Variants in NCAM1 observed in about 807,000 individuals in gnomAD.
NCAM1 encodes the protein antigen recognized by monoclonal antibody 5.1H11.
In NCAM1, 14 loss-of-function variants were observed where a neutral mutation model predicts 109.8. That is an observed-to-expected ratio of 0.13 (90% CI 0.08 to 0.20). The LOEUF (loss-of-function observed/expected upper bound fraction) is 0.20. Ranked by LOEUF, NCAM1 falls within the 10% of genes least tolerant of loss-of-function variation. The probability of loss-of-function intolerance (pLI) is 1.00; values close to 1 mark genes in which losing one functional copy is unlikely to be tolerated. For missense variants in NCAM1, 774 were observed against 1,109.9 expected, an observed-to-expected ratio of 0.70 and a Z score of 4.30; for synonymous variants, 418 against 442.9, an observed-to-expected ratio of 0.94 and a Z score of 0.70.
chr11:113,106,678 G>T (rs189508308), intron 1 of NCAM1, among the ~76,000 whole-genome samples: 1 of 152,318 alleles, frequency 6.6e-6, no homozygotes, highest in East Asian at 1.9e-4. Flanking sequence ...TCTTGGAATG[G>T]GAAGAATGCT....
rs1306450066 is a variant in NCAM1 at position 113,273,633 on chromosome 11, G to A, written c.2457-1634G>A. 1 of 455,136 alleles carries A rather than the reference G, an allele frequency of 2.2e-6. No individual in the cohort carries two copies. The highest frequency in any genetic ancestry group is 4.4e-6 in the Non-Finnish European group (1 of 226,030). The allele number at this position is 455,136 out of a possible 1,614,324, so 28.2% of individuals were successfully genotyped here. A position where few individuals can be genotyped will look rare whatever the true frequency, so the allele number is the denominator to read the frequency against. ...GACCCCAGATATTGACCTTGCAAAGGATGTTTTTGCAGCCCTGGGCTCTCC... is the reference window on the plus strand; with the variant it reads ...GACCCCAGATATTGACCTTGCAAAGAATGTTTTTGCAGCCCTGGGCTCTCC... On this transcript the variant is annotated intron_variant, in intron 19 of 19. Transcript: ENST00000316851. This position sits in a 1 kb window ranked among gnomAD's most constrained non-coding sequence, Gnocchi z 6.0.
intron 1 of NCAM1, among the ~76,000 whole-genome samples, chr11:113,071,859 T>C (rs189805979): frequency 3.3e-5 from 5 of 152,200 alleles, no homozygotes; most frequent in Admixed American, 1.3e-4. Flanking sequence ...ACCTGAAGTT[T>C]GCCAGTTAGA....
rs183539285 is a variant in NCAM1 at position 112,987,624 on chromosome 11, C to A, written c.52+25960C>A. ...TTATATTCTCTGAATTAATTGACTTCTTTATTATTATGTAATGGCCTTTTT... is the reference window on the plus strand; with the variant it reads ...TTATATTCTCTGAATTAATTGACTTATTTATTATTATGTAATGGCCTTTTT... On this transcript the variant is annotated intron_variant, in intron 1 of 19. Coordinates refer to ENST00000316851, the MANE Select transcript of NCAM1 (RefSeq NM_181351.5). 2.0e-4 allele frequency among the ~76,000 whole-genome samples: 31 copies of A among 152,050 alleles called. No homozygotes were observed. In the East Asian group the frequency reaches 5.6e-3, roughly 27 times the overall value.
At chr11:113,034,379 C>T (rs1449710165) in intron 1 of NCAM1, among the ~76,000 whole-genome samples, 1 of 151,856 alleles carries the variant, frequency 6.6e-6, no homozygotes, top group East Asian at 1.9e-4. Context: ...AAGATATAAA[C>T]ACACTAATAT....
intron 1 of NCAM1, among the ~76,000 whole-genome samples, chr11:113,159,629 G>A (rs1485744712): frequency 6.6e-6 from 1 of 152,066 alleles, no homozygotes; most frequent in African/African-American, 2.4e-5. Flanking sequence ...TCTATTACAT[G>A]CATTTTATTT....
chr11:112,985,320 G>T lies in NCAM1; in HGVS notation c.52+23656G>T, dbSNP rs144667020. Among the ~76,000 whole-genome samples, 6 of 150,980 alleles carry T rather than the reference G, an allele frequency of 4.0e-5. No individual in the cohort carries two copies. In the East Asian group the frequency reaches 1.2e-3, roughly 29 times the overall value. On this transcript the variant is annotated intron_variant, in intron 1 of 19. Coordinates refer to ENST00000316851, the MANE Select transcript of NCAM1 (RefSeq NM_181351.5). Reference sequence around the variant, plus strand: ...CACTTTGTAGTAGATTTTGAAATCAGATAGGGTGATGCCTTCAACTTTGTT... The same window carrying T: ...CACTTTGTAGTAGATTTTGAAATCATATAGGGTGATGCCTTCAACTTTGTT...
chr11:113,204,949 C>T (rs563199840), intron 3 of NCAM1, among the ~76,000 whole-genome samples: 38 of 152,280 alleles, frequency 2.5e-4, no homozygotes, highest in African/African-American at 7.7e-4. Flanking sequence ...GGTGGCATCT[C>T]GTTACCTTGT....
At chr11:113,096,850 C>G (rs982015417) in intron 1 of NCAM1, among the ~76,000 whole-genome samples, 5 of 152,024 alleles carry the variant, frequency 3.3e-5, no homozygotes, top group Non-Finnish European at 7.4e-5. Flanking sequence ...CAGATACACC[C>G]TCATGCTTTT....
intron 1 of NCAM1, among the ~76,000 whole-genome samples, chr11:113,095,492 C>T (rs2135804831): frequency 6.6e-6 from 1 of 152,302 alleles, no homozygotes; most frequent in South Asian, 2.1e-4. Context: ...GCAGGCAGCC[C>T]ATATTCAGGC....
rs187041712 is a variant in NCAM1, at chr11:112,978,462, T to C, written c.52+16798T>C. ...TGTATTTTAAGACTCAGTGGTTGAATGTAAACATTGAGAATAAAGAGAAGA... is the reference window on the plus strand; with the variant it reads ...TGTATTTTAAGACTCAGTGGTTGAACGTAAACATTGAGAATAAAGAGAAGA... On this transcript the variant is annotated intron_variant, in intron 1 of 19. Transcript: ENST00000316851. 1.1e-4 allele frequency among the ~76,000 whole-genome samples: 17 copies of C among 151,948 alleles called. No individual in the cohort carries two copies. The East Asian group carries it at 2.9e-3, about 26-fold the overall frequency.
In NCAM1 at chr11:113,170,816, T is replaced by C. The variant is rs560293463; in HGVS notation, c.53-31563T>C. 3.0e-4 allele frequency among the ~76,000 whole-genome samples: 46 copies of C among 152,260 alleles called. No individual in the cohort carries two copies. In the South Asian group the frequency reaches 5.4e-3, roughly 18 times the overall value. ...AATTAGAATTCTCTTTGGTGGAAAA[T>C]GAAAAATCATTAAGGTTGTCTTCCA... is the stretch of plus-strand genomic sequence containing the variant. On this transcript the variant is annotated intron_variant, in intron 1 of 19. Transcript: ENST00000316851.
At chr11:113,112,860 G>A (rs781931187) in intron 1 of NCAM1, among the ~76,000 whole-genome samples, 3 of 152,076 alleles carry the variant, frequency 2.0e-5, no homozygotes, top group Non-Finnish European at 4.4e-5. Context: ...AGCCAGGTGT[G>A]GTGTCTCACA....
chr11:113,096,943 G>T (rs1939624453), intron 1 of NCAM1, among the ~76,000 whole-genome samples: 1 of 151,990 alleles, frequency 6.6e-6, no homozygotes, highest in South Asian at 2.1e-4. Flanking sequence ...TACACAGCAG[G>T]CACTACTCCC....
intron 1 of NCAM1, among the ~76,000 whole-genome samples, chr11:113,001,469 T>C (rs1018200722): frequency 6.6e-6 from 1 of 152,342 alleles, no homozygotes; most frequent in East Asian, 1.9e-4. Context: ...CATGTAATTC[T>C]TGAGACAAGG....
chr11:113,067,827 G>A lies in NCAM1; in HGVS notation c.52+106163G>A, dbSNP rs142602899. ...GTCGTGTTAACAAAGTTAAAGGGCT[G>A]TCTCTATTGGGAGACTTCTGAGAGT... On this transcript the variant is annotated intron_variant, in intron 1 of 19. Coordinates refer to ENST00000316851, the MANE Select transcript of NCAM1 (RefSeq NM_181351.5). Among the ~76,000 whole-genome samples, 1,046 of 151,902 alleles carry A rather than the reference G, an allele frequency of 6.9e-3. 9 individuals are homozygous for A. The highest frequency in any genetic ancestry group is 0.01 in the Non-Finnish European group (701 of 67,984).
intron 1 of NCAM1, among the ~76,000 whole-genome samples, chr11:113,035,878 A>G (rs1384676624): frequency 5.3e-5 from 8 of 152,116 alleles, no homozygotes; most frequent in Admixed American, 5.2e-4. Flanking sequence ...CTCCTGGAAT[A>G]TGCCTTTGGC....
intron 1 of NCAM1, among the ~76,000 whole-genome samples, chr11:113,102,219 T>A (rs950582702): frequency 3.3e-5 from 5 of 152,198 alleles, no homozygotes; most frequent in African/African-American, 1.2e-4. Context: ...GAGGATTTTT[T>A]AATGAAATAT....
intron 1 of NCAM1, among the ~76,000 whole-genome samples, chr11:113,146,167 C>G (rs960912245): frequency 4.6e-5 from 7 of 152,164 alleles, no homozygotes; most frequent in Non-Finnish European, 7.4e-5. Context: ...CATTGGGGAG[C>G]TTTATAACAC....
At chr11:112,991,131 C>G (rs529673703) in intron 1 of NCAM1, among the ~76,000 whole-genome samples, 21 of 152,034 alleles carry the variant, frequency 1.4e-4, no homozygotes, top group Admixed American at 4.6e-4. Flanking sequence ...AGGTAGAATG[C>G]CATTATAGGT....
Sources: allele counts gnomAD v4.1 joint callset (sites outside exome capture counted in the v4.1 genomes callset), GRCh38; gene constraint gnomAD v4.1.1; non-coding constraint Gnocchi (gnomAD v3.1); transcripts MANE v1.5; gene names NCBI Gene and HGNC (gene_info 2026-07-23, HGNC 2026-07-21).